The following TRAPPC9 variants were observed in gnomAD, a reference collection of about 807,000 sequenced individuals.
TRAPPC9 encodes the protein IKK2 binding protein.
Under a neutral mutation model 124.0 loss-of-function variants are expected in TRAPPC9, and 83 were observed. That is an observed-to-expected ratio of 0.67 (90% CI 0.56 to 0.80). The LOEUF is 0.80. TRAPPC9 is among the 30% of genes least tolerant of loss of function. The probability of loss-of-function intolerance (pLI) is 0.00; values close to 1 mark genes in which losing one functional copy is unlikely to be tolerated. For missense variants in TRAPPC9, 1,302 were observed against 1,508.3 expected (o/e 0.86, Z 2.27); for synonymous variants, 638 against 617.5 (o/e 1.03, Z -0.49).
chr8:139,968,100 G>T (rs1275572807), intron 19 of TRAPPC9, among the ~76,000 whole-genome samples: 3 of 151,034 alleles, frequency 2.0e-5, no homozygotes, highest in Non-Finnish European at 4.4e-5. Flanking sequence ...AGTGAGCCAA[G>T]ATCGCACCAC....
chr8:139,849,369 C>T (rs1356345257), intron 21 of TRAPPC9, among the ~76,000 whole-genome samples: 3 of 152,218 alleles, frequency 2.0e-5, no homozygotes, highest in African/African-American at 7.2e-5. Context: ...GGGCCAGCAG[C>T]GGCCAAGGCC....
At chr8:140,435,993 A>T (rs1002193033) in intron 3 of TRAPPC9, among the ~76,000 whole-genome samples, 1 of 152,210 alleles carries the variant, frequency 6.6e-6, no homozygotes, top group African/African-American at 2.4e-5. Context: ...ACACCTGTAG[A>T]TATTTACCAT....
chr8:139,794,544 TG>T (rs1822916172), intron 21 of TRAPPC9, among the ~76,000 whole-genome samples: 1 of 152,172 alleles, frequency 6.6e-6, no homozygotes, highest in Admixed American at 6.5e-5. Context: ...CAACAGACGC[TG>T]GGCCCACTTC....
At chr8:139,885,748 G>T in intron 21 of TRAPPC9, 131 bp downstream of exon 21, 2 of 854,670 alleles carry the variant, frequency 2.3e-6, no homozygotes, top group Non-Finnish European at 1.9e-6. Context: ...TTCCCCCAAG[G>T]TTTCCCGTGA....
chr8:140,092,258 C>T (rs993060947), intron 17 of TRAPPC9, among the ~76,000 whole-genome samples: 3 of 146,194 alleles, frequency 2.1e-5, no homozygotes, highest in East Asian at 2.0e-4. Context: ...ACTACAAGGG[C>T]GCAATCTCGG....
rs112885631 is a variant in TRAPPC9, at chr8:139,731,520, G to A, written c.3280-292C>T. Reference sequence around the variant, plus strand: ...GTGAGGGAGAGGTTGGGGCAGAGGGGAATGGAATGTTAGCCTGTGCTGGGG... The same window carrying A: ...GTGAGGGAGAGGTTGGGGCAGAGGGAAATGGAATGTTAGCCTGTGCTGGGG... On this transcript the variant is annotated intron_variant, in intron 22 of 22. Coordinates refer to ENST00000438773, the MANE Select transcript of TRAPPC9 (RefSeq NM_001160372.4). Among the ~76,000 whole-genome samples the A allele has an allele frequency of 0.032, 4,856 of 152,272 alleles. 259 individuals carry two copies. Among genetic ancestry groups the A allele is most frequent in the African/African-American group, 0.11 (4,487 of 41,542 alleles).
rs763680932 is a variant in TRAPPC9 at position 139,872,096 on chromosome 8, G to GTGGA, written c.3055+13779_3055+13782dup. On this transcript the variant is annotated intron_variant, in intron 21 of 22. Transcript: ENST00000438773. ...GGTTGGTGGGTAAATGGTTGGATGA[G>GTGGA]TGGATGGATGGATGGATGGATGGGT... 2.3e-4 allele frequency among the ~76,000 whole-genome samples: 35 copies of GTGGA among 151,164 alleles called. 1 individual carries two copies. In the East Asian group the frequency reaches 3.1e-3, roughly 14 times the overall value.
At chr8:140,292,478 T>C (rs1214871213) in intron 11 of TRAPPC9, among the ~76,000 whole-genome samples, 4 of 152,176 alleles carry the variant, frequency 2.6e-5, no homozygotes, top group Non-Finnish European at 5.9e-5. Flanking sequence ...TTGACCAGAA[T>C]TATTCAACTT....
At position 140,449,855 on chromosome 8, in the gene TRAPPC9, C is replaced by T. The variant is rs79589043; in HGVS notation, c.584+935G>A. On this transcript the variant is annotated intron_variant, in intron 2 of 22. Coordinates refer to ENST00000438773, the MANE Select transcript of TRAPPC9 (RefSeq NM_001160372.4). ...CCCTCTCATCTGTGAACCAAAGGGACGAGACTGAATAAAACTGTTCAAACT... is the reference window on the plus strand; with the variant it reads ...CCCTCTCATCTGTGAACCAAAGGGATGAGACTGAATAAAACTGTTCAAACT... Among the ~76,000 whole-genome samples the T allele has an allele frequency of 4.5e-4, 69 of 152,278 alleles. No homozygotes were observed. In the East Asian group the frequency reaches 0.011, roughly 24 times the overall value.
At chr8:140,311,711 T>C (rs1379441123) in intron 9 of TRAPPC9, among the ~76,000 whole-genome samples, 7 of 152,212 alleles carry the variant, frequency 4.6e-5, no homozygotes, top group African/African-American at 9.6e-5. Flanking sequence ...AACTTAACCA[T>C]ACTTTTTCAG....
At chr8:139,733,649 A>G (rs1307763194) in intron 21 of TRAPPC9, among the ~76,000 whole-genome samples, 2 of 152,204 alleles carry the variant, frequency 1.3e-5, no homozygotes, top group Non-Finnish European at 2.9e-5. Context: ...CAGGTGGAAT[A>G]AGGATGACAT....
chr8:140,169,418 T>C (rs1429489857), intron 17 of TRAPPC9, among the ~76,000 whole-genome samples: 1 of 152,092 alleles, frequency 6.6e-6, no homozygotes, highest in African/African-American at 2.4e-5. Flanking sequence ...ATCCAGCAAT[T>C]CCACGGAGAG....
intron 18 of TRAPPC9, among the ~76,000 whole-genome samples, chr8:140,020,384 C>T (rs541379565): frequency 5.9e-5 from 9 of 152,210 alleles, no homozygotes; most frequent in Non-Finnish European, 1.2e-4. Context: ...TAGGCACTTT[C>T]GGAGGTTGAA....
intron 18 of TRAPPC9, among the ~76,000 whole-genome samples, chr8:140,014,997 G>A (rs1161808175): frequency 1.3e-5 from 2 of 152,230 alleles, no homozygotes; most frequent in African/African-American, 4.8e-5. Context: ...ATCAGTATCA[G>A]TGAGAGGAGC....
intron 19 of TRAPPC9, among the ~76,000 whole-genome samples, chr8:139,915,168 G>A (rs953822557): frequency 2.0e-5 from 3 of 152,214 alleles, no homozygotes; most frequent in Non-Finnish European, 2.9e-5. Flanking sequence ...TGGCGGTGCC[G>A]GGCCCTGCCC....
chr8:140,370,019 A>T (rs2068232096), intron 8 of TRAPPC9, among the ~76,000 whole-genome samples: 1 of 152,202 alleles, frequency 6.6e-6, no homozygotes, highest in South Asian at 2.1e-4. Context: ...AAATTAACCT[A>T]GATGACATCA....
At chr8:140,028,991 A>G (rs1840329560) in intron 17 of TRAPPC9, among the ~76,000 whole-genome samples, 1 of 152,252 alleles carries the variant, frequency 6.6e-6, no homozygotes, top group South Asian at 2.1e-4. Context: ...TTGATCAAGG[A>G]AAAAGAGAAG....
intron 21 of TRAPPC9, among the ~76,000 whole-genome samples, chr8:139,822,696 C>T (rs1199349012): frequency 2.0e-5 from 3 of 152,212 alleles, no homozygotes; most frequent in Non-Finnish European, 4.4e-5. Context: ...CTGCTGAGTG[C>T]ATGCGTCCTC....
intron 5 of TRAPPC9, among the ~76,000 whole-genome samples, chr8:140,411,693 T>A (rs1021941606): frequency 6.6e-6 from 1 of 152,138 alleles, no homozygotes; most frequent in African/African-American, 2.4e-5. Context: ...AATAACTGAT[T>A]GAGGAACATG....
Sources: gnomAD v4.1 joint callset for allele counts (sites outside exome capture counted in the v4.1 genomes callset) on GRCh38, gnomAD v4.1.1 for gene constraint, MANE v1.5 for transcripts, NCBI Gene and HGNC (gene_info 2026-07-23, HGNC 2026-07-21) for gene names.